ANO10: variants seen among roughly 807,000 people sequenced by gnomAD.
ANO10 encodes anoctamin-10.
A neutral mutation model predicts 74.7 loss-of-function variants in ANO10; 77 were observed. The observed-to-expected ratio is 1.03, with a 90% CI of 0.86 to 1.25. The LOEUF is 1.25. Ranked by LOEUF, ANO10 falls within the 50% of genes most tolerant of loss-of-function variation. The pLI is 0.00. For synonymous variants in ANO10, 279 were observed against 284.9 expected (o/e 0.98, Z 0.21); for missense variants, 721 against 778.1 (o/e 0.93, Z 0.87).
intron 11 of ANO10, among the ~76,000 whole-genome samples, chr3:43,444,284 G>A (rs2093207970): frequency 6.6e-6 from 1 of 152,160 alleles, no homozygotes; most frequent in East Asian, 1.9e-4. Flanking sequence ...CAATTTACAT[G>A]TGTTAAAGTT....
At chr3:43,368,628 G>T (rs2091492162) in intron 12 of ANO10, among the ~76,000 whole-genome samples, 1 of 151,520 alleles carries the variant, frequency 6.6e-6, no homozygotes, top group South Asian at 2.1e-4. Flanking sequence ...TTCAGCCCAG[G>T]TTCACTGCAG....
At chr3:43,414,054 T>C (rs180706462) in intron 12 of ANO10, among the ~76,000 whole-genome samples, 4 of 151,868 alleles carry the variant, frequency 2.6e-5, no homozygotes, top group East Asian at 2.0e-4. Context: ...GCTTTGAAGA[T>C]TGGAAGATAG....
chr3:43,605,160 C>T (rs939699155), intron 2 of ANO10, among the ~76,000 whole-genome samples: 3 of 152,198 alleles, frequency 2.0e-5, no homozygotes, highest in Non-Finnish European at 4.4e-5. Flanking sequence ...TTCCTTGCCA[C>T]TGAAGAAAGT....
At chr3:43,374,931 G>A (rs1008444803) in intron 12 of ANO10, among the ~76,000 whole-genome samples, 2 of 152,066 alleles carry the variant, frequency 1.3e-5, no homozygotes, top group East Asian at 3.9e-4. Context: ...GACCAGCCTA[G>A]CCAACATAGT....
chr3:43,569,222 A>T, intron 7 of ANO10, among the ~76,000 whole-genome samples: 1 of 131,782 alleles, frequency 7.6e-6, no homozygotes, highest in Admixed American at 7.8e-5. Context: ...AGAGTCCAGG[A>T]CCAGATGGAT....
intron 11 of ANO10, among the ~76,000 whole-genome samples, chr3:43,472,234 G>C (rs980855052): frequency 1.3e-5 from 2 of 152,124 alleles, no homozygotes; most frequent in Non-Finnish European, 2.9e-5. Flanking sequence ...TAAGGGTAGG[G>C]AGAGAGTTTG....
intron 11 of ANO10, among the ~76,000 whole-genome samples, chr3:43,519,267 C>T (rs1440248748): frequency 6.6e-6 from 1 of 152,108 alleles, no homozygotes; most frequent in African/African-American, 2.4e-5. Flanking sequence ...TATAACATCC[C>T]CTGTATTCTG....
Position 43,571,385 on chromosome 3 carries a change from C to T in ANO10, c.1218+3424G>A, listed in dbSNP as rs1375943666. ...ATGCTGCTATAAAGACACATGCACA[C>T]GTATGTTTATTGCGGCATTATTCAC... is the stretch of plus-strand genomic sequence containing the variant. On this transcript the variant is annotated intron_variant, in intron 7 of 12. Transcript: ENST00000292246. Among the ~76,000 whole-genome samples, 3 of 151,378 alleles carry T rather than the reference C, an allele frequency of 2.0e-5. No individual in the cohort carries two copies. The East Asian group carries it at 5.8e-4, about 29-fold the overall frequency.
chr3:43,466,369 C>CAAAAAAAAAAAAAA (rs36126977), intron 11 of ANO10, among the ~76,000 whole-genome samples: 1 of 45,392 alleles, frequency 2.2e-5, no homozygotes. Context: ...GACTCCATCT[C>CAAAAAAAAAAAAAA]AAAAAAAAAA....
intron 12 of ANO10, among the ~76,000 whole-genome samples, chr3:43,431,151 C>T (rs1403390788): frequency 1.3e-5 from 2 of 151,448 alleles, no homozygotes; most frequent in Non-Finnish European, 2.9e-5. Context: ...TGGCTCATTA[C>T]AGCCTTGACC....
intron 11 of ANO10, among the ~76,000 whole-genome samples, chr3:43,510,460 A>G (rs1202682059): frequency 6.6e-6 from 1 of 151,732 alleles, no homozygotes; most frequent in Non-Finnish European, 1.5e-5. Flanking sequence ...ACTAAACACA[A>G]ATACACACAC....
Position 43,570,706 on chromosome 3 carries a change from C to T in ANO10, c.1218+4103G>A, listed in dbSNP as rs2080658172. ...ATTCAAGATGGATTAAAGACTTAAA[C>T]GTTAGACCTAAAACCATAAAAACCC... On this transcript the variant is annotated intron_variant, in intron 7 of 12. Transcript: ENST00000292246. Among the ~76,000 whole-genome samples the T allele has an allele frequency of 2.1e-5, 3 of 144,018 alleles. No homozygotes were observed. In the South Asian group the frequency reaches 6.9e-4, roughly 33 times the overall value. 94.5% of individuals were successfully genotyped at this position (144,018 alleles called of 152,430 possible).
intron 1 of ANO10, among the ~76,000 whole-genome samples, chr3:43,647,614 T>C (rs1464044370): frequency 6.6e-6 from 1 of 152,204 alleles, no homozygotes; most frequent in East Asian, 1.9e-4. Context: ...TTTCTGGATA[T>C]CCTTTAACCC....
intron 12 of ANO10, among the ~76,000 whole-genome samples, chr3:43,377,813 G>C (rs2091853053): frequency 6.6e-6 from 1 of 152,200 alleles, no homozygotes; most frequent in South Asian, 2.1e-4. Flanking sequence ...TTGAAGCCTT[G>C]ACAGTTTGGT....
chr3:43,510,642 C>T (rs866552649), intron 11 of ANO10, among the ~76,000 whole-genome samples: 2 of 152,084 alleles, frequency 1.3e-5, no homozygotes, highest in Non-Finnish European at 2.9e-5. Context: ...ATATGAATCT[C>T]CAATTATCTC....
At chr3:43,537,769 T>C (rs1575373808) in intron 11 of ANO10, among the ~76,000 whole-genome samples, 1 of 152,170 alleles carries the variant, frequency 6.6e-6, no homozygotes, top group Admixed American at 6.5e-5. Flanking sequence ...TTCAGTAACA[T>C]AACATAATGG....
chr3:43,501,256 G>GGCTCTTTAACAACCA (rs762964031), intron 11 of ANO10, among the ~76,000 whole-genome samples: 5 of 152,100 alleles, frequency 3.3e-5, no homozygotes, highest in Non-Finnish European at 5.9e-5. Context: ...GGAGGTACCA[G>GGCTCTTTAACAACCA]GCTCTTTAAC....
At chr3:43,551,003 T>C (rs181279567) in intron 10 of ANO10, among the ~76,000 whole-genome samples, 1 of 152,342 alleles carries the variant, frequency 6.6e-6, no homozygotes, top group East Asian at 1.9e-4. Context: ...GCTTTAGTCA[T>C]TTAAAGTGTC....
chr3:43,516,581 G>A (rs919596700), intron 11 of ANO10, among the ~76,000 whole-genome samples: 4 of 152,128 alleles, frequency 2.6e-5, no homozygotes, highest in Admixed American at 6.5e-5. Context: ...AGTCAGAACC[G>A]TGCTTCACAC....
Sources: allele counts gnomAD v4.1 joint callset (sites outside exome capture counted in the v4.1 genomes callset), GRCh38; gene constraint gnomAD v4.1.1; transcripts MANE v1.5; gene names NCBI Gene and HGNC (gene_info 2026-07-23, HGNC 2026-07-21).